Variants in FSHR observed in about 807,000 individuals in gnomAD.
FSHR encodes follicle-stimulating hormone receptor.
Under a neutral mutation model 52.1 loss-of-function variants are expected in FSHR, and 46 were observed. That is an observed-to-expected ratio of 0.88 (90% CI 0.70 to 1.13). The LOEUF is 1.13. FSHR is among the 50% of genes most tolerant of loss of function. The pLI is 0.00. For missense variants in FSHR, 964 were observed against 834.6 expected, an observed-to-expected ratio of 1.16 and a Z score of -1.91; for synonymous variants, 399 against 309.6, an observed-to-expected ratio of 1.29 and a Z score of -3.03.
At chr2:49,133,301 G>T (rs1672361748) in intron 1 of FSHR, among the ~76,000 whole-genome samples, 1 of 152,132 alleles carries the variant, frequency 6.6e-6, no homozygotes, top group Admixed American at 6.6e-5. Flanking sequence ...GAGAATATGG[G>T]TCTCTGATAG....
intron 1 of FSHR, among the ~76,000 whole-genome samples, chr2:49,153,227 A>G (rs1026076622): frequency 5.9e-5 from 9 of 152,242 alleles, no homozygotes; most frequent in African/African-American, 1.9e-4. Context: ...ACCTTCTTCA[A>G]TTAAATGCAA....
chr2:49,012,733 A>C (rs1321678314), intron 4 of FSHR, among the ~76,000 whole-genome samples: 1 of 152,092 alleles, frequency 6.6e-6, no homozygotes, highest in Admixed American at 6.6e-5. Context: ...TCCTTCATCC[A>C]TTTTGCGTTT....
Position 48,963,372 on chromosome 2 carries a change from G to C in FSHR, c.1449C>G (p.Leu483=). The C allele has an allele frequency of 6.2e-7, 1 of 1,614,024 alleles. No homozygotes were observed. The highest frequency in any genetic ancestry group is 8.5e-7 in the Non-Finnish European group (1 of 1,179,960). ...TCACCATGACACTGGCAGCATGGCG[G>C]AGCTGCACCTTGCAGTCCAGCTGCA... ...HAMQLDCKVQ[L]RHAASVMVMG... is the part of the protein sequence containing the mutation. Residue 483 remains leucine, a synonymous_variant, in exon 10 of 10, where the codon CTC becomes CTG. Transcript: ENST00000406846.
intron 2 of FSHR, among the ~76,000 whole-genome samples, chr2:49,043,294 AG>A (rs1166291250): frequency 7.4e-6 from 1 of 135,980 alleles, no homozygotes; most frequent in African/African-American, 2.7e-5. Context: ...TGGGCAGGGT[AG>A]GGGGTGGGGT....
At chr2:49,135,530 C>T (rs1170742983) in intron 1 of FSHR, among the ~76,000 whole-genome samples, 2 of 151,792 alleles carry the variant, frequency 1.3e-5, no homozygotes, top group East Asian at 3.9e-4. Flanking sequence ...AATTAATAAC[C>T]CAACCTTCAT....
chr2:48,968,124 C>T (rs112855160), intron 9 of FSHR, among the ~76,000 whole-genome samples: 1,874 of 152,230 alleles, frequency 0.012, 36 homozygotes, highest in African/African-American at 0.042. Flanking sequence ...TTTAGATGGC[C>T]CTCTTTAAGT....
intron 1 of FSHR, among the ~76,000 whole-genome samples, chr2:49,144,585 G>T (rs141778588): frequency 5.3e-5 from 8 of 152,072 alleles, no homozygotes; most frequent in African/African-American, 1.9e-4. Context: ...TGCTTTTCCA[G>T]TTTGTTTTCT....
intron 6 of FSHR, among the ~76,000 whole-genome samples, chr2:48,986,720 T>G (rs1351354728): frequency 6.6e-6 from 1 of 152,174 alleles, no homozygotes; most frequent in Non-Finnish European, 1.5e-5. Context: ...TCTATATGTT[T>G]CCCTTGTAGC....
At chr2:48,976,919 T>C (rs139895834) in intron 8 of FSHR, among the ~76,000 whole-genome samples, 45 of 152,262 alleles carry the variant, frequency 3.0e-4, no homozygotes, top group East Asian at 9.7e-4. Flanking sequence ...TTTGTTATTC[T>C]CTTCCAAAAG....
At chr2:49,003,657 T>C (rs2104154535) in intron 4 of FSHR, among the ~76,000 whole-genome samples, 1 of 152,222 alleles carries the variant, frequency 6.6e-6, no homozygotes, top group East Asian at 1.9e-4. Context: ...AGCAAGTATT[T>C]CAGAGTGGGG....
At chr2:49,061,671 A>ATTTATATAT (rs1349733985) in intron 2 of FSHR, among the ~76,000 whole-genome samples, 1 of 142,432 alleles carries the variant, frequency 7.0e-6, no homozygotes, top group African/African-American at 2.6e-5. Flanking sequence ...ATATATTTAT[A>ATTTATATAT]ACTATATATA....
intron 6 of FSHR, among the ~76,000 whole-genome samples, chr2:48,987,073 A>G (rs1322537818): frequency 1.3e-5 from 2 of 152,226 alleles, no homozygotes; most frequent in African/African-American, 2.4e-5. Flanking sequence ...TTTATCACCA[A>G]TCTCCCTCTG....
intron 8 of FSHR, among the ~76,000 whole-genome samples, chr2:48,979,917 C>A (rs923479086): frequency 6.6e-6 from 1 of 152,176 alleles, no homozygotes; most frequent in East Asian, 1.9e-4. Context: ...TACGCATACT[C>A]CTACTCTTAC....
At chr2:49,027,720 C>T (rs1163371330) in intron 2 of FSHR, among the ~76,000 whole-genome samples, 1 of 152,048 alleles carries the variant, frequency 6.6e-6, no homozygotes, top group African/African-American at 2.4e-5. Context: ...TTTGGTGGCA[C>T]ATGCCTATAG....
intron 2 of FSHR, among the ~76,000 whole-genome samples, chr2:49,038,357 C>G (rs890560257): frequency 6.6e-6 from 1 of 152,120 alleles, no homozygotes; most frequent in Non-Finnish European, 1.5e-5. Flanking sequence ...CGCAGTGGCT[C>G]ACGCCTGTAA....
At chr2:48,997,878 C>T (rs1007365986) in intron 4 of FSHR, among the ~76,000 whole-genome samples, 1 of 152,100 alleles carries the variant, frequency 6.6e-6, no homozygotes, top group African/African-American at 2.4e-5. Flanking sequence ...ACCTGAGGCT[C>T]CTTGAGCTCT....
chr2:48,983,129 A>C lies in FSHR; in HGVS notation c.562T>G (p.Cys188Gly), dbSNP rs1470582090. 7 of 1,614,166 alleles carry C rather than the reference A, an allele frequency of 4.3e-6. No homozygotes were observed. The East Asian group carries it at 1.6e-4, about 36-fold the overall frequency. ...TCTAGTTGGGTTCCATTGAATGCAC[A>C]GTTGTGTATTTCTTGAATCCCATTC... Reference protein sequence around the residue: ...NKNGIQEIHNCAFNGTQLDEL... With the variant: ...NKNGIQEIHNGAFNGTQLDEL... The change falls in exon 7 of 10, where the codon TGT becomes GGT. Residue 188 changes from cysteine (C) to glycine (G), a missense_variant. Coordinates refer to ENST00000406846, the MANE Select transcript of FSHR (RefSeq NM_000145.4).
intron 1 of FSHR, among the ~76,000 whole-genome samples, chr2:49,072,837 C>A (rs528799613): frequency 6.6e-6 from 1 of 152,224 alleles, no homozygotes; most frequent in South Asian, 2.1e-4. Context: ...CAGAGAACTA[C>A]ACCTGTTTGA....
chr2:48,968,017 TGTACAATCTCC>T (rs1559075381), intron 9 of FSHR, among the ~76,000 whole-genome samples: 1 of 152,220 alleles, frequency 6.6e-6, no homozygotes, highest in Non-Finnish European at 1.5e-5. Flanking sequence ...CTGGAACATG[TGTACAATCTCC>T]AAGGCGACTT....
Sources: allele counts gnomAD v4.1 joint callset (sites outside exome capture counted in the v4.1 genomes callset), GRCh38; gene constraint gnomAD v4.1.1; transcripts MANE v1.5; gene names NCBI Gene and HGNC (gene_info 2026-07-23, HGNC 2026-07-21).